Variants in SATB2 observed in about 807,000 individuals in gnomAD.
The protein encoded by SATB2 is SATB homeobox 2.
SATB2 carries 1 observed loss-of-function variant against 73.4 expected under a neutral mutation model. That is an observed-to-expected ratio of 0.01 (90% CI 0.00 to 0.06). The LOEUF is 0.06. Among genes scored for constraint, SATB2 ranks in the 10% least tolerant of loss-of-function variants. SATB2 has a pLI of 1.00. For missense variants in SATB2, 459 were observed against 945.8 expected, an observed-to-expected ratio of 0.49 and a Z score of 6.75; for synonymous variants, 397 against 367.0, an observed-to-expected ratio of 1.08 and a Z score of -0.93.
At chr2:199,470,748 G>A (rs1438185701) in intron 1 of SATB2, 1 of 152,374 alleles carries the variant, frequency 6.6e-6, no homozygotes, top group Non-Finnish European at 1.5e-5. Context: ...CACCCACTTG[G>A]CAGAACTGAT....
chr2:199,367,741 GA>G (rs1259441990), intron 6 of SATB2, among the ~76,000 whole-genome samples: 1 of 152,068 alleles, frequency 6.6e-6, no homozygotes, highest in Non-Finnish European at 1.5e-5. Context: ...AATGTTACAA[GA>G]AATTCCCCAA....
chr2:199,446,860 T>C (rs1691976560), intron 2 of SATB2, among the ~76,000 whole-genome samples: 1 of 152,234 alleles, frequency 6.6e-6, no homozygotes, highest in South Asian at 2.1e-4. Flanking sequence ...ATGTACTGCC[T>C]ATCTTGTTTC....
At chr2:199,404,650 G>A (rs77714373) in intron 3 of SATB2, among the ~76,000 whole-genome samples, 2 of 151,936 alleles carry the variant, frequency 1.3e-5, no homozygotes, top group Non-Finnish European at 2.9e-5. Flanking sequence ...AATAAACAAC[G>A]TTTATAAAAA....
At chr2:199,322,413 G>T (rs1342556202) in intron 9 of SATB2, among the ~76,000 whole-genome samples, 1 of 152,152 alleles carries the variant, frequency 6.6e-6, no homozygotes, top group Non-Finnish European at 1.5e-5. Flanking sequence ...ATTATATTTT[G>T]CCATGTGGTA....
chr2:199,365,880 T>C (rs1215303694), intron 6 of SATB2, among the ~76,000 whole-genome samples: 1 of 152,150 alleles, frequency 6.6e-6, no homozygotes, highest in Admixed American at 6.6e-5. Flanking sequence ...TTACCGTTTA[T>C]TTATTTCTAT....
At chr2:199,371,338 A>G (rs993244034) in intron 5 of SATB2, among the ~76,000 whole-genome samples, 1 of 152,172 alleles carries the variant, frequency 6.6e-6, no homozygotes, top group African/African-American at 2.4e-5. Context: ...TTAAATATCT[A>G]GAACATCAAC....
chr2:199,467,424 G>A (rs190835337), upstream of SATB2: 4 of 152,330 alleles, frequency 2.6e-5, no homozygotes, highest in East Asian at 5.8e-4. Context: ...CTTAGGTGCC[G>A]GGCTTCAGCC....
chr2:199,288,909 GA>G (rs1478278892), intron 10 of SATB2, among the ~76,000 whole-genome samples: 2 of 152,312 alleles, frequency 1.3e-5, no homozygotes, highest in East Asian at 3.9e-4. Context: ...GATCTCTAGG[GA>G]GAGGCAGCAA....
At chr2:199,317,058 G>GGGC (rs1225143905) in intron 9 of SATB2, among the ~76,000 whole-genome samples, 1 of 152,002 alleles carries the variant, frequency 6.6e-6, no homozygotes, top group Non-Finnish European at 1.5e-5. Context: ...GGCAGGGGTG[G>GGGC]GGCGGTATGG....
At chr2:199,424,501 A>C (rs984370626) in intron 3 of SATB2, among the ~76,000 whole-genome samples, 1 of 152,256 alleles carries the variant, frequency 6.6e-6, no homozygotes, top group Admixed American at 6.5e-5. Context: ...TTAATACTAC[A>C]GAAATAAATG....
At chr2:199,459,632 C>G (rs975993329), upstream of SATB2, 6 of 152,828 alleles carry the variant, frequency 3.9e-5, no homozygotes, top group African/African-American at 1.4e-4. The surrounding 1 kb of genome is among the most constrained non-coding windows in gnomAD (Gnocchi z 4.2). Flanking sequence ...ACTCTCCCTC[C>G]TAATCCCCAG....
At chr2:199,344,594 C>T (rs1355959681) in intron 7 of SATB2, among the ~76,000 whole-genome samples, 1 of 152,196 alleles carries the variant, frequency 6.6e-6, no homozygotes, top group African/African-American at 2.4e-5. Flanking sequence ...TCCTGCCATA[C>T]CGAAAATGTC....
chr2:199,451,644 T>C (rs1389718413), intron 2 of SATB2, among the ~76,000 whole-genome samples: 2 of 152,130 alleles, frequency 1.3e-5, no homozygotes, highest in African/African-American at 2.4e-5. Flanking sequence ...TGCATTCCTT[T>C]CAAAAAGTTA....
upstream of SATB2, chr2:199,458,789 C>T (rs1447602471): frequency 5.3e-6 from 2 of 379,934 alleles, no homozygotes; most frequent in Non-Finnish European, 1.0e-5. Context: ...CCGCCTCCGC[C>T]CCTCCGAGCA....
At chr2:199,349,237 T>G in intron 6 of SATB2, 64 bp from the exon 7 acceptor site, 2 of 1,227,424 alleles carry the variant, frequency 1.6e-6, no homozygotes, top group East Asian at 2.5e-5. Flanking sequence ...TGCTAATATA[T>G]GTAGAACTGA....
rs573354220 is a variant in SATB2 at position 199,271,143 on chromosome 2, C to T, written c.*1068G>A. 9 of 152,812 alleles carry T rather than the reference C, an allele frequency of 5.9e-5. No homozygotes were observed. Among genetic ancestry groups the T allele is most frequent in the South Asian group, 2.1e-4 (1 of 4,820 alleles). 9.5% of individuals were successfully genotyped at this position (152,812 alleles called of 1,614,324 possible). A position where few individuals can be genotyped will look rare whatever the true frequency, so the allele number is the denominator to read the frequency against. On this transcript the variant is annotated 3_prime_UTR_variant, in exon 11 of 11. Coordinates refer to ENST00000417098, the MANE Select transcript of SATB2 (RefSeq NM_001172509.2). Reference sequence around the variant, plus strand: ...ACAGCAACAACAAACAACTTTTAAACGAGCAGGCTTATTAATTTTCAGATT... The same window carrying T: ...ACAGCAACAACAAACAACTTTTAAATGAGCAGGCTTATTAATTTTCAGATT...
chr2:199,371,705 C>T (rs183393255), intron 5 of SATB2, among the ~76,000 whole-genome samples: 15 of 152,124 alleles, frequency 9.9e-5, no homozygotes, highest in African/African-American at 3.6e-4. Flanking sequence ...AGCAACCGCA[C>T]AGTTGGACTG....
chr2:199,300,235 T>A (rs1165900678), intron 10 of SATB2, among the ~76,000 whole-genome samples: 2 of 151,632 alleles, frequency 1.3e-5, no homozygotes, highest in Non-Finnish European at 2.9e-5. Context: ...GAGAAGGGGA[T>A]AAATAGCAAC....
At chr2:199,284,366 T>C (rs1692622195) in intron 10 of SATB2, among the ~76,000 whole-genome samples, 1 of 152,196 alleles carries the variant, frequency 6.6e-6, no homozygotes, top group Non-Finnish European at 1.5e-5. Context: ...TTCATCAATA[T>C]AGTTTTAGAT....
Sources: allele counts gnomAD v4.1 joint callset (sites outside exome capture counted in the v4.1 genomes callset), GRCh38; gene constraint gnomAD v4.1.1; non-coding constraint Gnocchi (gnomAD v3.1); transcripts MANE v1.5; gene names NCBI Gene and HGNC (gene_info 2026-07-23, HGNC 2026-07-21).